The following MFAP3L variants were observed in gnomAD, a reference collection of about 807,000 sequenced individuals.
The protein encoded by MFAP3L is microfibrillar-associated protein 3-like.
A neutral mutation model predicts 20.0 loss-of-function variants in MFAP3L; 5 were observed. That is an observed-to-expected ratio of 0.25 (90% CI 0.13 to 0.53). The LOEUF is 0.53. Ranked by LOEUF, MFAP3L falls within the 20% of genes least tolerant of loss-of-function variation. The pLI, the probability that MFAP3L is intolerant of heterozygous loss-of-function variation, is 0.96. For missense variants in MFAP3L, 409 were observed against 527.5 expected (o/e 0.78, Z 2.20); for synonymous variants, 219 against 213.0 (o/e 1.03, Z -0.25).
intron 1 of MFAP3L, among the ~76,000 whole-genome samples, chr4:170,025,762 C>A (rs952453210): frequency 1.3e-4 from 20 of 152,164 alleles, no homozygotes; most frequent in Non-Finnish European, 2.5e-4. Flanking sequence ...GGCATCAGGA[C>A]ACGGCGCCCT....
chr4:170,020,916 G>A (rs1259128281), intron 1 of MFAP3L, among the ~76,000 whole-genome samples: 1 of 151,996 alleles, frequency 6.6e-6, no homozygotes, highest in Non-Finnish European at 1.5e-5. Context: ...CCCTTCATTA[G>A]ATTAAAATCT....
At chr4:169,998,836 T>C (rs1020260782) in intron 2 of MFAP3L, among the ~76,000 whole-genome samples, 1 of 152,346 alleles carries the variant, frequency 6.6e-6, no homozygotes, top group African/African-American at 2.4e-5. Context: ...TTGAAACTAA[T>C]TTAAAAATAT....
chr4:170,002,909 T>C (rs1445884381), intron 2 of MFAP3L, among the ~76,000 whole-genome samples: 1 of 151,846 alleles, frequency 6.6e-6, no homozygotes, highest in Non-Finnish European at 1.5e-5. Context: ...GCCTATTGGT[T>C]TGAAAATGGA....
At chr4:170,004,662 A>T (rs1738913312) in intron 2 of MFAP3L, among the ~76,000 whole-genome samples, 1 of 152,218 alleles carries the variant, frequency 6.6e-6, no homozygotes, top group South Asian at 2.1e-4. Context: ...AAATGAGGGA[A>T]AGAGATTTAA....
chr4:169,991,977 T>C lies in MFAP3L; in HGVS notation c.631A>G (p.Ile211Val), dbSNP rs548398093. 3 of 1,614,164 alleles carry C rather than the reference T, an allele frequency of 1.9e-6. No homozygotes were observed. Among genetic ancestry groups the C allele is most frequent in the African/African-American group, 1.3e-5 (1 of 75,036 alleles). The change falls in exon 3 of 3, where the codon ATC becomes GTC. Residue 211 changes from isoleucine (I) to valine (V), a missense_variant. Coordinates refer to ENST00000361618, the MANE Select transcript of MFAP3L (RefSeq NM_021647.8). This position sits in a 1 kb window ranked among gnomAD's most constrained non-coding sequence, Gnocchi z 4.9. ...AFEIAKRIPI[I>V]TSAKTLELAK... ...AGCTCTAGAGTTTTGGCGGAGGTGA[T>C]GATGGGGATGCGCTTGGCGATCTCA...
chr4:170,002,161 A>G (rs1198567036), intron 2 of MFAP3L: 1 of 943,330 alleles, frequency 1.1e-6, no homozygotes, highest in Non-Finnish European at 1.2e-6. Context: ...TGCCTTTTCC[A>G]TCTAGTTCTT....
intron 2 of MFAP3L, among the ~76,000 whole-genome samples, chr4:170,000,836 C>T (rs1380826345): frequency 2.0e-5 from 3 of 152,106 alleles, no homozygotes; most frequent in South Asian, 2.1e-4. Context: ...AATCGTCCCA[C>T]CTCAGCCTCC....
At chr4:170,015,771 T>A (rs1739660591) in intron 1 of MFAP3L, among the ~76,000 whole-genome samples, 1 of 152,154 alleles carries the variant, frequency 6.6e-6, no homozygotes, top group African/African-American at 2.4e-5. Flanking sequence ...CAGAGCAGGC[T>A]GGAGTGAAGC....
At chr4:170,006,221 TC>T (rs2111005354) in intron 1 of MFAP3L, among the ~76,000 whole-genome samples, 1 of 151,928 alleles carries the variant, frequency 6.6e-6, no homozygotes, top group Admixed American at 6.5e-5. Flanking sequence ...TAAGTGATTC[TC>T]CTGCCTCAGC....
intron 1 of MFAP3L, among the ~76,000 whole-genome samples, chr4:170,008,083 T>C (rs1739158126): frequency 6.6e-6 from 1 of 152,184 alleles, no homozygotes; most frequent in Non-Finnish European, 1.5e-5. Context: ...TATTATATTT[T>C]AATAATGTCA....
intron 1 of MFAP3L, among the ~76,000 whole-genome samples, chr4:170,014,689 G>C (rs1739588929): frequency 6.6e-6 from 1 of 152,144 alleles, no homozygotes; most frequent in South Asian, 2.1e-4. Context: ...ACATTTTCTT[G>C]CTAATTCTGG....
upstream of MFAP3L, chr4:170,026,967 C>G (rs1043668007): frequency 1.3e-5 from 2 of 152,162 alleles, no homozygotes; most frequent in East Asian, 3.9e-4. Flanking sequence ...TCTCTTAAAG[C>G]AAAGTCCACA....
intron 2 of MFAP3L, among the ~76,000 whole-genome samples, chr4:169,996,516 G>A (rs971265923): frequency 1.3e-5 from 2 of 152,078 alleles, no homozygotes; most frequent in Non-Finnish European, 2.9e-5. Context: ...AGGGACTGAA[G>A]GGGACAGAGA....
chr4:170,005,554 A>G (rs757168518), intron 2 of MFAP3L, 26 bp downstream of exon 2: 1 of 1,602,410 alleles, frequency 6.2e-7, no homozygotes, highest in South Asian at 1.1e-5. Context: ...TTTTATTATG[A>G]CATTTGATAC....
chr4:170,012,642 A>G (rs1739452002), intron 1 of MFAP3L, among the ~76,000 whole-genome samples: 1 of 152,190 alleles, frequency 6.6e-6, no homozygotes, highest in East Asian at 1.9e-4. Context: ...AAACTCACAA[A>G]TTAAGAGCTA....
At chr4:170,025,501 T>G (rs554162965) in intron 1 of MFAP3L, among the ~76,000 whole-genome samples, 238 of 152,284 alleles carry the variant, frequency 1.6e-3, no homozygotes, top group Non-Finnish European at 2.7e-3. Flanking sequence ...CCTACAAACC[T>G]TTTTTTGCTA....
Position 170,022,573 on chromosome 4 carries a change from G to A in MFAP3L, c.-134+3661C>T, listed in dbSNP as rs78133152. 2.6e-3 allele frequency among the ~76,000 whole-genome samples: 390 copies of A among 152,220 alleles called. 1 individual carries two copies. The highest frequency in any genetic ancestry group is 4.5e-3 in the Non-Finnish European group (309 of 68,030). ...CTGTAACAGATTTCCACAGACTGAG[G>A]GATTTAACATAAATTTATTTTGCAG... is the stretch of plus-strand genomic sequence containing the variant. On this transcript the variant is annotated intron_variant, in intron 1 of 2. Transcript: ENST00000361618.
At chr4:170,005,018 C>G (rs974209561) in intron 2 of MFAP3L, 5 of 153,082 alleles carry the variant, frequency 3.3e-5, no homozygotes, top group African/African-American at 9.7e-5. Context: ...TATTAAAAAC[C>G]AAGCAGTCTC....
intron 1 of MFAP3L, among the ~76,000 whole-genome samples, chr4:170,019,296 C>T (rs1235106645): frequency 6.6e-6 from 1 of 152,120 alleles, no homozygotes; most frequent in Admixed American, 6.5e-5. Context: ...GTCTGTAATC[C>T]CAGCACTTTG....
Sources: gnomAD v4.1 joint callset for allele counts (sites outside exome capture counted in the v4.1 genomes callset) on GRCh38, gnomAD v4.1.1 for gene constraint, Gnocchi (gnomAD v3.1) non-coding constraint, MANE v1.5 for transcripts, NCBI Gene and HGNC (gene_info 2026-07-23, HGNC 2026-07-21) for gene names.